The following TENT5C variants were observed in gnomAD, a reference collection of about 807,000 sequenced individuals.
TENT5C encodes terminal nucleotidyltransferase 5C, also known as family with sequence similarity 46 member C.
In TENT5C, 5 loss-of-function variants were observed where a neutral mutation model predicts 22.2. The observed-to-expected ratio is 0.22, with a 90% CI of 0.12 to 0.47. The LOEUF (loss-of-function observed/expected upper bound fraction) is 0.47. TENT5C is among the 20% of genes least tolerant of loss of function. TENT5C has a pLI of 0.99. For missense variants in TENT5C, 364 were observed against 500.9 expected, an observed-to-expected ratio of 0.73 and a Z score of 2.61; for synonymous variants, 199 against 195.4, an observed-to-expected ratio of 1.02 and a Z score of -0.15.
At chr1:117,609,553 T>C (rs1233484294) in intron 1 of TENT5C, among the ~76,000 whole-genome samples, 1 of 152,206 alleles carries the variant, frequency 6.6e-6, no homozygotes, top group Non-Finnish European at 1.5e-5. Context: ...AGTAGTTAAG[T>C]GCTTCCTAGG....
At position 117,627,056 on chromosome 1, in the gene TENT5C, C is replaced by A. The variant is rs962712557; in HGVS notation, c.*3012C>A. The A allele has an allele frequency of 8.5e-5, 21 of 248,064 alleles. No individual in the cohort carries two copies. The highest frequency in any genetic ancestry group is 4.4e-4 in the African/African-American group (20 of 45,356). 15.4% of individuals were successfully genotyped at this position (248,064 alleles called of 1,614,324 possible). On this transcript the variant is annotated 3_prime_UTR_variant, in exon 2 of 2. Transcript: ENST00000369448. The stretch of plus-strand genomic sequence containing the variant: ...CTGAAACTGAACTCTATTACTAATG[C>A]CTTCCAATCAGAGTTCCTGATGGGG...
chr1:117,608,757 T>C (rs1362313546), intron 1 of TENT5C, among the ~76,000 whole-genome samples: 3 of 145,604 alleles, frequency 2.1e-5, no homozygotes, highest in Admixed American at 1.4e-4. Flanking sequence ...AGTGGATGAG[T>C]TGAACCTTTT....
At chr1:117,608,366 C>T (rs549344053) in intron 1 of TENT5C, among the ~76,000 whole-genome samples, 14 of 152,300 alleles carry the variant, frequency 9.2e-5, no homozygotes, top group African/African-American at 3.4e-4. Flanking sequence ...CCACTGAAAT[C>T]TCCCGAGTTC....
At chr1:117,608,400 G>T (rs1360203834) in intron 1 of TENT5C, among the ~76,000 whole-genome samples, 1 of 152,108 alleles carries the variant, frequency 6.6e-6, no homozygotes, top group East Asian at 1.9e-4. Flanking sequence ...CCCCTCAGCT[G>T]TATCTCCCCA....
chr1:117,622,820 G>C, intron 1 of TENT5C, 22 bp from the exon 2 acceptor site: 1 of 1,545,770 alleles, frequency 6.5e-7, no homozygotes, highest in Non-Finnish European at 8.9e-7. Context: ...TCCTAACTCT[G>C]CTTCTCACCC....
At chr1:117,616,681 G>A (rs920921939) in intron 1 of TENT5C, among the ~76,000 whole-genome samples, 1 of 152,228 alleles carries the variant, frequency 6.6e-6, no homozygotes, top group Non-Finnish European at 1.5e-5. Flanking sequence ...CACATTTGAG[G>A]TAACATCCAG....
chr1:117,622,762 G>A (rs1653921225), intron 1 of TENT5C, 80 bp from the exon 2 acceptor site: 20 of 926,132 alleles, frequency 2.2e-5, no homozygotes, highest in Non-Finnish European at 3.0e-5. Flanking sequence ...GATGTTCAGA[G>A]ATTAAACAGT....
Position 117,625,661 on chromosome 1 carries a change from T to C in TENT5C, c.*1617T>C, listed in dbSNP as rs559822667. ...TATGAAAACCCAAAGCCCGGAGTGATTGTTTTCTCCTTGCTTTAAGCAGTG... is the reference window on the plus strand; with the variant it reads ...TATGAAAACCCAAAGCCCGGAGTGACTGTTTTCTCCTTGCTTTAAGCAGTG... On this transcript the variant is annotated 3_prime_UTR_variant, in exon 2 of 2. Transcript: ENST00000369448. 4.0e-6 allele frequency: 1 copy of C among 248,154 alleles called. No individual in the cohort carries two copies. The highest frequency in any genetic ancestry group is 5.6e-5 in the Admixed American group (1 of 17,804). 15.4% of individuals were successfully genotyped at this position (248,154 alleles called of 1,614,324 possible). A position where few individuals can be genotyped will look rare whatever the true frequency, so the allele number is the denominator to read the frequency against.
At chr1:117,617,032 C>T (rs1657817) in intron 1 of TENT5C, among the ~76,000 whole-genome samples, 11,940 of 152,112 alleles carry the variant, frequency 0.078, 513 homozygotes, top group African/African-American at 0.11. Flanking sequence ...TTGCTTTGAC[C>T]GAATTGACTG....
intron 1 of TENT5C, among the ~76,000 whole-genome samples, chr1:117,613,672 T>C (rs1002391797): frequency 6.6e-6 from 1 of 152,206 alleles, no homozygotes; most frequent in Non-Finnish European, 1.5e-5. Context: ...TTTCCACAGC[T>C]CATGTGGGAA....
chr1:117,615,635 T>G (rs1251401372), intron 1 of TENT5C, among the ~76,000 whole-genome samples: 2 of 152,198 alleles, frequency 1.3e-5, no homozygotes, highest in East Asian at 3.9e-4. Context: ...GCTCTGCATG[T>G]ATTAGCACCT....
At position 117,623,511 on chromosome 1, in the gene TENT5C, A is replaced by C; in HGVS notation, c.643A>C (p.Met215Leu). Residue 215 changes from methionine (M) to leucine (L), a missense_variant, in exon 2 of 2, where the codon ATG (methionine) becomes CTG (leucine). Met to Leu is a conservative substitution (Grantham distance 15). This residue lies in a region of TENT5C where 303 missense variants were observed against 394.5 expected (regional missense o/e 0.77). Transcript: ENST00000369448. ...CCACCCCACCGTGATTGGGGAGAGC[A>C]TGTACGGGGACTTTGAGGAAGCTTT... Reference protein sequence around the residue: ...HFHPTVIGESMYGDFEEAFDH... With the variant: ...HFHPTVIGESLYGDFEEAFDH... 2 of 1,614,094 alleles carry C rather than the reference A, an allele frequency of 1.2e-6. No individual in the cohort carries two copies. Among genetic ancestry groups the C allele is most frequent in the South Asian group, 2.2e-5 (2 of 91,064 alleles).
At chr1:117,622,765 TAA>T (rs1653921484) in intron 1 of TENT5C, 75 bp from the exon 2 acceptor site, 1 of 951,430 alleles carries the variant, frequency 1.1e-6, no homozygotes, top group Non-Finnish European at 1.6e-6. Context: ...GTTCAGAGAT[TAA>T]ACAGTGTGAG....
At chr1:117,613,832 T>C (rs1361957969) in intron 1 of TENT5C, among the ~76,000 whole-genome samples, 1 of 152,214 alleles carries the variant, frequency 6.6e-6, no homozygotes, top group African/African-American at 2.4e-5. Context: ...CGTCACTGAC[T>C]TAGAAATGTT....
In TENT5C at chr1:117,626,471, C is replaced by T. The variant is rs917203623; in HGVS notation, c.*2427C>T. 4.0e-6 allele frequency: 1 copy of T among 247,786 alleles called. No individual in the cohort carries two copies. Among genetic ancestry groups the T allele is most frequent in the Admixed American group, 5.6e-5 (1 of 17,784 alleles). The allele number at this position is 247,786 out of a possible 1,614,324, so 15.3% of individuals were successfully genotyped here. A position where few individuals can be genotyped will look rare whatever the true frequency, so the allele number is the denominator to read the frequency against. On this transcript the variant is annotated 3_prime_UTR_variant, in exon 2 of 2. Coordinates refer to ENST00000369448, the MANE Select transcript of TENT5C (RefSeq NM_017709.4). ...GTTTGAGAATAGACCTATTCAAGAG[C>T]TATCAGGGTTAAAAGCTGCACTGAC...
intron 1 of TENT5C, among the ~76,000 whole-genome samples, chr1:117,610,223 C>T (rs554079506): frequency 7.2e-5 from 11 of 152,252 alleles, no homozygotes; most frequent in Admixed American, 2.0e-4. Context: ...GCTAGTTCTA[C>T]AGTCTGTGCA....
At chr1:117,617,711 A>C (rs965647267) in intron 1 of TENT5C, among the ~76,000 whole-genome samples, 3 of 152,220 alleles carry the variant, frequency 2.0e-5, no homozygotes, top group Non-Finnish European at 4.4e-5. Context: ...TGAATTGGGA[A>C]TGTGTGTTCC....
chr1:117,610,601 C>A (rs1375376834), intron 1 of TENT5C, among the ~76,000 whole-genome samples: 1 of 152,222 alleles, frequency 6.6e-6, no homozygotes, highest in Admixed American at 6.5e-5. Flanking sequence ...GATCTCTGCT[C>A]ACTGCAACCT....
At position 117,623,359 on chromosome 1, in the gene TENT5C, A is replaced by G; in HGVS notation, c.491A>G (p.Asn164Ser). Residue 164 changes from asparagine (N) to serine (S), a missense_variant, in exon 2 of 2, where the codon AAC becomes AGC. Asn to Ser is a conservative substitution (Grantham distance 46, BLOSUM62 1). Transcript: ENST00000369448. ...TCCCTCTCCAACAAGAACGGGAAGA[A>G]CGTGGAGCTGAAGTTTGTCGACTCC... ...LISLSNKNGKNVELKFVDSIR... is the reference protein window; with the variant it reads ...LISLSNKNGKSVELKFVDSIR... 6.2e-7 allele frequency: 1 copy of G among 1,614,164 alleles called. No individual in the cohort carries two copies. The highest frequency in any genetic ancestry group is 1.7e-5 in the Admixed American group (1 of 60,010).
Sources: gnomAD v4.1 joint callset for allele counts (sites outside exome capture counted in the v4.1 genomes callset) on GRCh38, gnomAD v4.1.1 for gene constraint, gnomAD v4.1.1 regional missense constraint, MANE v1.5 for transcripts, NCBI Gene and HGNC (gene_info 2026-07-23, HGNC 2026-07-21) for gene names.